Variants in NFIB observed in about 807,000 individuals in gnomAD.
NFIB encodes nuclear factor I B.
NFIB carries 11 observed loss-of-function variants against 61.5 expected under a neutral mutation model. The ratio of observed to expected loss-of-function variants is 0.18; its 90% CI spans 0.11 to 0.30. The LOEUF is 0.30. Ranked by LOEUF, NFIB falls within the 10% of genes least tolerant of loss-of-function variation. The pLI is 1.00. For missense variants in NFIB, 471 were observed against 608.9 expected, an observed-to-expected ratio of 0.77 and a Z score of 2.38; for synonymous variants, 260 against 216.5, an observed-to-expected ratio of 1.20 and a Z score of -1.76.
At chr9:14,236,569 A>C (rs1364818472) in intron 2 of NFIB, among the ~76,000 whole-genome samples, 6 of 152,228 alleles carry the variant, frequency 3.9e-5, no homozygotes, top group Admixed American at 6.5e-5. Context: ...TCCGTGCTGG[A>C]CTAACTGAAG....
intron 10 of NFIB, among the ~76,000 whole-genome samples, chr9:14,107,563 T>G (rs2036752610): frequency 6.6e-6 from 1 of 152,128 alleles, no homozygotes; most frequent in Non-Finnish European, 1.5e-5. Context: ...CTTGTAAATT[T>G]TAAGGTTTCA....
At position 14,157,001 on chromosome 9, in the gene NFIB, T is replaced by G. The variant is rs150173808; in HGVS notation, c.617-1108A>C. Among the ~76,000 whole-genome samples, 462 of 152,272 alleles carry G rather than the reference T, an allele frequency of 3.0e-3. 4 individuals are homozygous for G. Among genetic ancestry groups the G allele is most frequent in the African/African-American group, 0.011 (439 of 41,560 alleles). On this transcript the variant is annotated intron_variant, in intron 3 of 10. Transcript: ENST00000380953. Reference sequence around the variant, plus strand: ...AGCACTGAAATCAAAGAGCTGGGATTTGAATCCTAGCCACAGATGACCAGT... The same window carrying G: ...AGCACTGAAATCAAAGAGCTGGGATGTGAATCCTAGCCACAGATGACCAGT...
the NFIB span, among the ~76,000 whole-genome samples, chr9:14,427,949 T>TGTTTTTTC: frequency 1.1e-5 from 1 of 90,094 alleles, no homozygotes; most frequent in Admixed American, 1.1e-4. Context: ...TTTTTTTTTT[T>TGTTTTTTC]TTTTTTTTTT....
chr9:14,420,397 G>A, the NFIB span, among the ~76,000 whole-genome samples: 1 of 119,780 alleles, frequency 8.3e-6, no homozygotes, highest in Non-Finnish European at 1.6e-5. Flanking sequence ...GGTGAACTAA[G>A]ATCACACCAC....
the NFIB span, among the ~76,000 whole-genome samples, chr9:14,498,547 T>C: frequency 2.0e-5 from 3 of 152,026 alleles, no homozygotes; most frequent in African/African-American, 7.2e-5. Flanking sequence ...GAGAACAACA[T>C]CACATGAGGA....
intron 2 of NFIB, among the ~76,000 whole-genome samples, chr9:14,270,341 T>A (rs146300623): frequency 2.0e-5 from 3 of 152,064 alleles, no homozygotes; most frequent in Admixed American, 6.6e-5. Context: ...TTGTGGCACA[T>A]AGTCAGTTGC....
At chr9:14,503,075 G>A in the NFIB span, among the ~76,000 whole-genome samples, 2 of 150,766 alleles carry the variant, frequency 1.3e-5, no homozygotes, top group African/African-American at 4.9e-5. Flanking sequence ...TTATGGCTGA[G>A]TAGTATTTTA....
At chr9:14,270,093 C>A (rs1264389308) in intron 2 of NFIB, among the ~76,000 whole-genome samples, 3 of 152,228 alleles carry the variant, frequency 2.0e-5, no homozygotes, top group South Asian at 2.1e-4. Flanking sequence ...TGACCTTACA[C>A]AGCTGTCTCA....
chr9:14,198,638 C>T (rs559104986), intron 2 of NFIB, among the ~76,000 whole-genome samples: 48 of 152,112 alleles, frequency 3.2e-4, no homozygotes, highest in Admixed American at 7.2e-4. Context: ...ATTCAGATTC[C>T]TCGACCTCAC....
At chr9:14,231,818 G>A (rs1046792452) in intron 2 of NFIB, among the ~76,000 whole-genome samples, 12 of 152,122 alleles carry the variant, frequency 7.9e-5, no homozygotes, top group African/African-American at 1.2e-4. Context: ...CAAGCTGGCC[G>A]ATTTTAAGCT....
In NFIB at chr9:14,287,131, C is replaced by T. The variant is rs2058757456; in HGVS notation, c.562+19858G>A. On this transcript the variant is annotated intron_variant, in intron 2 of 10. Transcript: ENST00000380953. ...TGTAACCTTAAAAGATTGAAAGCTA[C>T]TTTAAAAGAGCTATTATAGGCCGGG... Among the ~76,000 whole-genome samples the T allele has an allele frequency of 2.0e-5, 3 of 151,906 alleles. No individual in the cohort carries two copies. In the South Asian group the frequency reaches 6.2e-4, roughly 32 times the overall value.
chr9:14,346,290 A>AGCCCC (rs2061019183), intron 1 of NFIB, among the ~76,000 whole-genome samples: 1 of 88,394 alleles, frequency 1.1e-5, no homozygotes, highest in Non-Finnish European at 2.6e-5. Flanking sequence ...GGTAACCGAC[A>AGCCCC]CCCCCCCCCC....
chr9:14,375,350 G>C (rs1362725419), intron 1 of NFIB, among the ~76,000 whole-genome samples: 1 of 152,186 alleles, frequency 6.6e-6, no homozygotes, highest in African/African-American at 2.4e-5. Flanking sequence ...CTTTTAAGGA[G>C]CTTCTCCAGA....
chr9:14,197,722 T>C (rs1323311744), intron 2 of NFIB, among the ~76,000 whole-genome samples: 6 of 152,210 alleles, frequency 3.9e-5, no homozygotes, highest in Non-Finnish European at 8.8e-5. Context: ...GTGGTGTTTC[T>C]TAGCTGTGTC....
At chr9:14,300,159 A>T (rs568441075) in intron 2 of NFIB, 1 of 398,468 alleles carries the variant, frequency 2.5e-6, no homozygotes, top group Non-Finnish European at 4.4e-6. Flanking sequence ...AGGTCCCAAG[A>T]ATTTACTTTA....
At chr9:14,448,820 T>C in the NFIB span, among the ~76,000 whole-genome samples, 8 of 152,192 alleles carry the variant, frequency 5.3e-5, no homozygotes, top group African/African-American at 1.9e-4. Context: ...AAGATTTTTA[T>C]GTTTTTGCAA....
chr9:14,518,795 C>T, the NFIB span, among the ~76,000 whole-genome samples: 36,183 of 151,994 alleles, frequency 0.24, 4,660 homozygotes, highest in East Asian at 0.4. Flanking sequence ...GAGATCTCTC[C>T]TTCACCCTCT....
At chr9:14,352,361 A>T (rs997273480) in intron 1 of NFIB, among the ~76,000 whole-genome samples, 4 of 151,936 alleles carry the variant, frequency 2.6e-5, no homozygotes, top group African/African-American at 9.7e-5. Flanking sequence ...AACCATGGCT[A>T]CCTGTCTCCG....
rs568799953 is a variant in NFIB, at chr9:14,144,649, A to C, written c.925+2040T>G. Among the ~76,000 whole-genome samples the C allele has an allele frequency of 3.3e-5, 5 of 152,280 alleles. No homozygotes were observed. In the South Asian group the frequency reaches 1.0e-3, roughly 32 times the overall value. ...AGGTCCCTTCTCTCACAGTGTAGAC[A>C]GATTTAGACAACTAATCCCATAAAT... is the stretch of plus-strand genomic sequence containing the variant. On this transcript the variant is annotated intron_variant, in intron 6 of 10. Transcript: ENST00000380953.
Sources: gnomAD v4.1 joint callset for allele counts (sites outside exome capture counted in the v4.1 genomes callset) on GRCh38, gnomAD v4.1.1 for gene constraint, MANE v1.5 for transcripts, NCBI Gene and HGNC (gene_info 2026-07-23, HGNC 2026-07-21) for gene names.